Variants in AGBL4 observed in about 807,000 individuals in gnomAD.
The protein encoded by AGBL4 is cytosolic carboxypeptidase 6.
In AGBL4, 58 loss-of-function variants were observed where a neutral mutation model predicts 66.4. The observed-to-expected ratio is 0.87, with a 90% confidence interval of 0.71 to 1.09. The LOEUF is 1.09. AGBL4 is among the 50% of genes least tolerant of loss of function. The pLI is 0.00. For synonymous variants in AGBL4, 234 were observed against 222.9 expected, an observed-to-expected ratio of 1.05 and a Z score of -0.44; for missense variants, 579 against 631.0, an observed-to-expected ratio of 0.92 and a Z score of 0.88.
At chr1:48,526,785 C>A in the AGBL4 span, among the ~76,000 whole-genome samples, 1 of 152,118 alleles carries the variant, frequency 6.6e-6, no homozygotes, top group Non-Finnish European at 1.5e-5. Context: ...ACCACACCAG[C>A]AACAATTGTT....
intron 6 of AGBL4, among the ~76,000 whole-genome samples, chr1:48,859,967 G>A (rs1270410215): frequency 1.3e-5 from 2 of 152,174 alleles, no homozygotes; most frequent in Admixed American, 1.3e-4. Context: ...TTCCCTCTTA[G>A]AGAATATTAA....
rs1201739061 is a variant in AGBL4, at chr1:49,259,423, A to G, written c.283-13559T>C. Among the ~76,000 whole-genome samples, 4 of 152,182 alleles carry G rather than the reference A, an allele frequency of 2.6e-5. 1 individual carries two copies. The highest frequency in any genetic ancestry group is 9.7e-5 in the African/African-American group (4 of 41,430). ...TATTCGGGAAACCCATCTCATGTGC[A>G]GAGACACACATAGGCTCAAAATAAA... On this transcript the variant is annotated intron_variant, in intron 3 of 13. Transcript: ENST00000371839.
intron 2 of AGBL4, among the ~76,000 whole-genome samples, chr1:49,765,965 G>T (rs1334745435): frequency 6.6e-6 from 1 of 152,084 alleles, no homozygotes; most frequent in Non-Finnish European, 1.5e-5. Context: ...ATGAATTATT[G>T]GCATTCCTGA....
At chr1:48,891,638 A>T (rs1557430852) in intron 5 of AGBL4, among the ~76,000 whole-genome samples, 1 of 152,220 alleles carries the variant, frequency 6.6e-6, no homozygotes, top group Non-Finnish European at 1.5e-5. Flanking sequence ...AAATAAGATA[A>T]GAGTTCAGGC....
chr1:48,603,844 G>A (rs542925884), intron 9 of AGBL4, among the ~76,000 whole-genome samples: 2 of 152,104 alleles, frequency 1.3e-5, no homozygotes, highest in African/African-American at 2.4e-5. Flanking sequence ...GGTAGCTCAT[G>A]CCTGTAATCC....
At chr1:49,327,371 AAAGT>A (rs777734297) in intron 3 of AGBL4, among the ~76,000 whole-genome samples, 44 of 152,356 alleles carry the variant, frequency 2.9e-4, no homozygotes, top group Admixed American at 5.2e-4. Flanking sequence ...GTATTCATTT[AAAGT>A]AAGTTGAATC....
intron 3 of AGBL4, among the ~76,000 whole-genome samples, chr1:49,688,103 A>G (rs999571901): frequency 3.9e-5 from 6 of 152,194 alleles, no homozygotes; most frequent in Non-Finnish European, 7.3e-5. Flanking sequence ...TTTTAAATGT[A>G]CAATTAAATT....
intron 3 of AGBL4, among the ~76,000 whole-genome samples, chr1:49,368,362 C>T (rs754666052): frequency 9.9e-5 from 15 of 152,054 alleles, no homozygotes; most frequent in Non-Finnish European, 1.3e-4. Flanking sequence ...CACTTTTTTA[C>T]GTTCCCACCA....
chr1:48,681,526 G>C (rs925902945), intron 6 of AGBL4, among the ~76,000 whole-genome samples: 1 of 152,198 alleles, frequency 6.6e-6, no homozygotes, highest in Admixed American at 6.5e-5. Flanking sequence ...CAGGACTCCA[G>C]AGCCCTCAGT....
chr1:48,794,890 A>G (rs1645633108), intron 6 of AGBL4, among the ~76,000 whole-genome samples: 1 of 152,158 alleles, frequency 6.6e-6, no homozygotes, highest in Admixed American at 6.5e-5. Context: ...TCTTAATGGC[A>G]TCTCAAATAT....
chr1:48,573,301 C>T (rs746557316), intron 11 of AGBL4, among the ~76,000 whole-genome samples: 1 of 152,196 alleles, frequency 6.6e-6, no homozygotes, highest in Non-Finnish European at 1.5e-5. Context: ...GAGTGGGAAA[C>T]TGGCACAGAT....
chr1:48,867,391 C>T (rs1648211249), intron 5 of AGBL4, among the ~76,000 whole-genome samples, 161 bp from the exon 6 acceptor site: 1 of 152,022 alleles, frequency 6.6e-6, no homozygotes, highest in Non-Finnish European at 1.5e-5. Flanking sequence ...GGGTTTGTAC[C>T]CTAGAGACAA....
chr1:49,206,322 A>T (rs1648124180), intron 4 of AGBL4, among the ~76,000 whole-genome samples: 1 of 152,062 alleles, frequency 6.6e-6, no homozygotes, highest in Admixed American at 6.6e-5. Context: ...ACAAAAACAA[A>T]AACAAAACAA....
intron 6 of AGBL4, among the ~76,000 whole-genome samples, chr1:48,700,811 A>G (rs1646789471): frequency 6.6e-6 from 1 of 152,228 alleles, no homozygotes; most frequent in South Asian, 2.1e-4. Flanking sequence ...TATACAAGGC[A>G]GGAAACTGAG....
chr1:49,344,509 G>T (rs1344356788), intron 3 of AGBL4, among the ~76,000 whole-genome samples: 1 of 152,092 alleles, frequency 6.6e-6, no homozygotes, highest in Non-Finnish European at 1.5e-5. Context: ...GTTTGTGAAA[G>T]ATTAATCTTG....
chr1:49,420,475 C>T (rs539929950), intron 3 of AGBL4, among the ~76,000 whole-genome samples: 20 of 152,028 alleles, frequency 1.3e-4, no homozygotes, highest in African/African-American at 4.6e-4. Context: ...CCAAGACGGG[C>T]GGATCACGAG....
chr1:49,870,261 G>A (rs1646805622), intron 1 of AGBL4, among the ~76,000 whole-genome samples: 1 of 151,844 alleles, frequency 6.6e-6, no homozygotes, highest in Admixed American at 6.6e-5. Context: ...AAAATCACTG[G>A]GATTAATGAG....
intron 6 of AGBL4, among the ~76,000 whole-genome samples, chr1:48,687,134 A>G (rs535939630): frequency 7.9e-5 from 12 of 152,304 alleles, no homozygotes; most frequent in Non-Finnish European, 1.6e-4. Flanking sequence ...GAGACAGACA[A>G]ACAGCGGCAG....
intron 11 of AGBL4, among the ~76,000 whole-genome samples, chr1:48,562,457 T>C (rs569038136): frequency 1.3e-5 from 2 of 152,332 alleles, no homozygotes; most frequent in South Asian, 4.1e-4. Context: ...GCTCAAAATC[T>C]GCTCCATTTA....
Sources: gnomAD v4.1 joint callset for allele counts (sites outside exome capture counted in the v4.1 genomes callset) on GRCh38, gnomAD v4.1.1 for gene constraint, MANE v1.5 for transcripts, NCBI Gene and HGNC (gene_info 2026-07-23, HGNC 2026-07-21) for gene names.